The following CCDC144A variants were observed in gnomAD, a reference collection of about 807,000 sequenced individuals.
CCDC144A encodes coiled-coil domain-containing protein 144A.
A neutral mutation model predicts 143.8 loss-of-function variants in CCDC144A; 41 were observed. The observed-to-expected ratio is 0.29, with a 90% CI of 0.22 to 0.37. CCDC144A has a LOEUF of 0.37. Among genes scored for constraint, CCDC144A ranks in the 10% least tolerant of loss-of-function variants. CCDC144A has a pLI of 1.00. For synonymous variants in CCDC144A, 242 were observed against 517.9 expected, an observed-to-expected ratio of 0.47 and a Z score of 7.23; for missense variants, 637 against 1,488.8, an observed-to-expected ratio of 0.43 and a Z score of 9.41.
intron 2 of CCDC144A, among the ~76,000 whole-genome samples, chr17:16,698,859 A>C (rs1488768305): frequency 6.6e-6 from 1 of 152,224 alleles, no homozygotes; most frequent in Non-Finnish European, 1.5e-5. Context: ...TTATTGCAGG[A>C]AACTAATATA....
chr17:16,729,076 T>C (rs1036775809), intron 9 of CCDC144A, among the ~76,000 whole-genome samples: 6 of 152,238 alleles, frequency 3.9e-5, no homozygotes, highest in African/African-American at 1.2e-4. Context: ...TTTTTTGATA[T>C]AATGATTTCT....
At position 16,691,851 on chromosome 17, in the gene CCDC144A, C is replaced by G. The variant is rs1258459906; in HGVS notation, c.344+1107C>G. The G allele has an allele frequency of 2.6e-5, 4 of 152,308 alleles. No homozygotes were observed. The East Asian group carries it at 7.7e-4, about 29-fold the overall frequency. 9.4% of individuals were successfully genotyped at this position (152,308 alleles called of 1,614,324 possible). The stretch of plus-strand genomic sequence containing the variant: ...TTGGAACAAAATGGAGAGAAATTAG[C>G]ATGGCCCCTGCCTGCATAAGGATGA... On this transcript the variant is annotated intron_variant, in intron 1 of 16. Coordinates refer to ENST00000399273, the MANE Select transcript of CCDC144A (RefSeq NM_001382000.1).
chr17:16,696,124 C>T (rs1008266711), intron 2 of CCDC144A, among the ~76,000 whole-genome samples: 7 of 152,160 alleles, frequency 4.6e-5, no homozygotes, highest in African/African-American at 9.7e-5. Flanking sequence ...AAGTGATTCT[C>T]GTGCCTCAGC....
intron 12 of CCDC144A, among the ~76,000 whole-genome samples, chr17:16,758,105 T>C (rs1915183232): frequency 6.6e-6 from 1 of 152,250 alleles, no homozygotes; most frequent in Non-Finnish European, 1.5e-5. Context: ...CTCGATGATG[T>C]CTCTGTCTAT....
chr17:16,717,054 G>T (rs1234756601), intron 6 of CCDC144A, among the ~76,000 whole-genome samples: 1 of 150,808 alleles, frequency 6.6e-6, no homozygotes, highest in Non-Finnish European at 1.5e-5. Context: ...GCCCGCCTCG[G>T]CCTCCCAAAG....
chr17:16,707,036 G>A (rs1597541514), intron 3 of CCDC144A: 1 of 153,724 alleles, frequency 6.5e-6, no homozygotes, highest in East Asian at 1.9e-4. Context: ...AACCATTTCA[G>A]ATGTTAGGAA....
chr17:16,761,236 A>G lies in CCDC144A; in HGVS notation c.3373-189A>G, dbSNP rs151147639. ...ACCTGTAGTCCCAGCTACTCCAGCT[A>G]CGCAGGAGAATGGCCTGAACCCGGG... On this transcript the variant is annotated intron_variant, in intron 12 of 16. Transcript: ENST00000399273. Among the ~76,000 whole-genome samples the G allele has an allele frequency of 2.2e-3, 339 of 152,152 alleles. 1 individual carries two copies. The highest frequency in any genetic ancestry group is 7.6e-3 in the African/African-American group (317 of 41,464).
At chr17:16,694,669 G>A (rs1195372194) in intron 2 of CCDC144A, among the ~76,000 whole-genome samples, 3 of 152,084 alleles carry the variant, frequency 2.0e-5, no homozygotes, top group Non-Finnish European at 4.4e-5. Flanking sequence ...CCTTCTGAGT[G>A]CAGAAGTCAG....
intron 12 of CCDC144A, among the ~76,000 whole-genome samples, chr17:16,759,672 C>CT (rs1255608885): frequency 1.3e-5 from 2 of 152,040 alleles, no homozygotes; most frequent in Admixed American, 6.6e-5. Flanking sequence ...CTTTAAAACT[C>CT]TTCTTGTTTT....
At chr17:16,697,941 T>C (rs1421259398) in intron 2 of CCDC144A, among the ~76,000 whole-genome samples, 2 of 152,184 alleles carry the variant, frequency 1.3e-5, no homozygotes, top group Non-Finnish European at 2.9e-5. Context: ...TAGGCAGTTT[T>C]CAGGTGTATA....
intron 2 of CCDC144A, among the ~76,000 whole-genome samples, chr17:16,697,148 A>T (rs571312176): frequency 8.5e-5 from 13 of 152,100 alleles, no homozygotes; most frequent in Non-Finnish European, 1.6e-4. Flanking sequence ...GGGAATCGCT[A>T]TTGGGTAGGG....
intron 16 of CCDC144A, among the ~76,000 whole-genome samples, chr17:16,772,430 G>T (rs1318727898): frequency 1.3e-5 from 2 of 150,298 alleles, no homozygotes; most frequent in Non-Finnish European, 3.0e-5. Flanking sequence ...TCGCTTGAGA[G>T]GTAACACTTT....
At chr17:16,725,393 A>G (rs1256599450) in intron 8 of CCDC144A, among the ~76,000 whole-genome samples, 4 of 151,416 alleles carry the variant, frequency 2.6e-5, no homozygotes, top group African/African-American at 4.9e-5. Flanking sequence ...TCTCCCTTTT[A>G]TGGCTTATTA....
the CCDC144A span, among the ~76,000 whole-genome samples, chr17:16,679,983 AT>A: frequency 1.4e-3 from 214 of 152,150 alleles, 1 homozygote; most frequent in African/African-American, 4.8e-3. Context: ...CAAAATATTT[AT>A]TTTTTTTAAA....
the CCDC144A span, among the ~76,000 whole-genome samples, chr17:16,667,405 C>G: frequency 0.17 from 25,500 of 148,004 alleles, 2,729 homozygotes; most frequent in East Asian, 0.35. Context: ...AGGGGCCGAG[C>G]GGATAAGGCG....
At chr17:16,725,410 A>C (rs1194214496) in intron 8 of CCDC144A, among the ~76,000 whole-genome samples, 2 of 151,430 alleles carry the variant, frequency 1.3e-5, no homozygotes, top group Non-Finnish European at 2.9e-5. Flanking sequence ...ATTAGCGATA[A>C]CTATTTTTTT....
intron 12 of CCDC144A, among the ~76,000 whole-genome samples, chr17:16,757,622 GT>G (rs1178835897): frequency 8.5e-5 from 13 of 152,222 alleles, no homozygotes; most frequent in Non-Finnish European, 1.8e-4. Flanking sequence ...GCCACCCCTG[GT>G]GGGCTTGACA....
At position 16,709,339 on chromosome 17, in the gene CCDC144A, A is replaced by G. The variant is rs1567588838; in HGVS notation, c.1282A>G (p.Lys428Glu). Residue 428 changes from lysine to glutamate, a missense_variant, in exon 5 of 17, where the codon AAG (lysine) becomes GAG (glutamate). Coordinates refer to ENST00000399273, the MANE Select transcript of CCDC144A (RefSeq NM_001382000.1). ...GAACTTTCATAATGATGCAAGCACT[A>G]AGAAAGCAAGGAACCCAGAAGTGGT... ...DKNFHNDAST[K>E]KARNPEVVMV... 11 of 1,611,564 alleles carry G rather than the reference A, an allele frequency of 6.8e-6. No individual in the cohort carries two copies. Among genetic ancestry groups the G allele is most frequent in the Admixed American group, 3.3e-5 (2 of 59,970 alleles).
chr17:16,718,312 TTTTC>T (rs1476740005), intron 6 of CCDC144A, among the ~76,000 whole-genome samples: 1 of 151,768 alleles, frequency 6.6e-6, no homozygotes, highest in Non-Finnish European at 1.5e-5. Context: ...TTCAAGGGAA[TTTTC>T]TTTCTTTTTT....
Sources: allele counts gnomAD v4.1 joint callset (sites outside exome capture counted in the v4.1 genomes callset), GRCh38; gene constraint gnomAD v4.1.1; transcripts MANE v1.5; gene names NCBI Gene and HGNC (gene_info 2026-07-23, HGNC 2026-07-21).